TOP3A: variants seen among roughly 807,000 people sequenced by gnomAD.
TOP3A encodes DNA topoisomerase 3-alpha.
In TOP3A, 64 loss-of-function variants were observed where a neutral mutation model predicts 111.3. That is an observed-to-expected ratio of 0.57 (90% CI 0.47 to 0.71). TOP3A has a LOEUF of 0.71. TOP3A is among the 30% of genes least tolerant of loss of function. The pLI is 0.00. For missense variants in TOP3A, 1,104 were observed against 1,285.0 expected (o/e 0.86, Z 2.15); for synonymous variants, 484 against 485.1 (o/e 1.00, Z 0.03).
At chr17:18,313,674 A>T (rs530162194) in intron 1 of TOP3A, 1 of 151,952 alleles carries the variant, frequency 6.6e-6, no homozygotes, top group Non-Finnish European at 1.5e-5. Context: ...TGTCTACTTC[A>T]TTGTCTAGAA....
At chr17:18,300,211 T>C (rs937935383) in intron 8 of TOP3A, among the ~76,000 whole-genome samples, 1 of 152,032 alleles carries the variant, frequency 6.6e-6, no homozygotes, top group African/African-American at 2.4e-5. Flanking sequence ...CTGGCCAACA[T>C]GGTGAAAATC....
chr17:18,274,934 C>T lies in TOP3A; in HGVS notation c.2874G>A (p.Leu958=). ...GCCTTTTGCTTCTGGCTTCCGACTC[C>T]AGGGTTCTTCCTCTGTCTCCTGTCC... ...PSWTGDRGRT[L]ESEARSKRPR... The change falls in exon 19 of 19, where the codon CTG becomes CTA. Residue 958 remains leucine (L), a synonymous_variant. Coordinates refer to ENST00000321105, the MANE Select transcript of TOP3A (RefSeq NM_004618.5). 6.2e-7 allele frequency: 1 copy of T among 1,614,110 alleles called. No homozygotes were observed. The highest frequency in any genetic ancestry group is 1.1e-5 in the South Asian group (1 of 91,082).
chr17:18,290,622 T>C lies in TOP3A; in HGVS notation c.1532A>G (p.Glu511Gly). Residue 511 changes from glutamate (E) to glycine (G), a missense_variant, in exon 13 of 19, where the codon GAG (glutamate) becomes GGG (glycine). Glu to Gly is a moderately conservative substitution (Grantham distance 98). Coordinates refer to ENST00000321105, the MANE Select transcript of TOP3A (RefSeq NM_004618.5). ...QPSTVEMVDGETSPPKLLTEA... is the reference protein window; with the variant it reads ...QPSTVEMVDGGTSPPKLLTEA... Reference sequence around the variant, plus strand: ...GGTGAGCAGCTTGGGTGGGCTGGTCTCCCCGTCCACCATCTCCACGGTGCT... The same window carrying C: ...GGTGAGCAGCTTGGGTGGGCTGGTCCCCCCGTCCACCATCTCCACGGTGCT... 1 of 1,611,568 alleles carries C rather than the reference T, an allele frequency of 6.2e-7. No homozygotes were observed. The highest frequency in any genetic ancestry group is 2.2e-5 in the East Asian group (1 of 44,822).
intron 4 of TOP3A, 71 bp downstream of exon 4, chr17:18,306,820 A>G: frequency 9.3e-7 from 1 of 1,076,284 alleles, no homozygotes; most frequent in Non-Finnish European, 1.4e-6. Context: ...CCAATGCATT[A>G]AAAACAAAGA....
intron 4 of TOP3A, 24 bp from the exon 5 acceptor site, chr17:18,305,244 G>A (rs776562337): frequency 1.3e-6 from 2 of 1,584,944 alleles, no homozygotes; most frequent in Admixed American, 3.3e-5. Flanking sequence ...TGGAATAAGA[G>A]TGGTGAGAAC....
intron 4 of TOP3A, among the ~76,000 whole-genome samples, chr17:18,306,197 G>A (rs562741366): frequency 2.4e-4 from 37 of 151,952 alleles, no homozygotes; most frequent in Non-Finnish European, 4.7e-4. Context: ...GCGAGACTTC[G>A]TCTCAAAAAA....
Position 18,290,585 on chromosome 17 carries a change from G to A in TOP3A, c.1569C>T (p.Leu523=). Residue 523 remains leucine, a synonymous_variant, in exon 13 of 19, where the codon CTC becomes CTT. Coordinates refer to ENST00000321105, the MANE Select transcript of TOP3A (RefSeq NM_004618.5). ...SPPKLLTEAD[L]IALMEKHGIG... is the part of the protein sequence containing the mutation. ...TGCCATGCTTCTCCATGAGGGCAAT[G>A]AGGTCGGCCTCGGTGAGCAGCTTGG... 1 of 1,605,332 alleles carries A rather than the reference G, an allele frequency of 6.2e-7. No homozygotes were observed. The highest frequency in any genetic ancestry group is 8.5e-7 in the Non-Finnish European group (1 of 1,175,052).
intron 3 of TOP3A, 100 bp from the exon 4 acceptor site, chr17:18,307,066 C>A: frequency 1.3e-6 from 1 of 794,674 alleles, no homozygotes. Flanking sequence ...GGTGTATCCC[C>A]AAAAGAAAAG....
Position 18,305,100 on chromosome 17 carries a change from AG to A in TOP3A, c.499+11del. On this transcript the variant is annotated intron_variant, in intron 5 of 18. Coordinates refer to ENST00000321105, the MANE Select transcript of TOP3A (RefSeq NM_004618.5). ...CAAAGTAGAGAAAGTCAGCAGCAGCAGCAGCACTTACCAGCCTTACACACGT... is the reference window on the plus strand; with the variant it reads ...CAAAGTAGAGAAAGTCAGCAGCAGCACAGCACTTACCAGCCTTACACACGT... The A allele has an allele frequency of 6.2e-7, 1 of 1,606,338 alleles. No individual in the cohort carries two copies.
chr17:18,284,692 A>C (rs541397860), intron 15 of TOP3A, among the ~76,000 whole-genome samples: 128 of 152,232 alleles, frequency 8.4e-4, no homozygotes, highest in Non-Finnish European at 1.5e-3. Flanking sequence ...CCAGAAAACA[A>C]ATGGATCACA....
chr17:18,314,789 C>G lies in TOP3A; in HGVS notation c.-11G>C. ...GACAGGAAAGATCATCCTCAGACCT[C>G]GCGCCCGGAGCCGCTCCCCGGCTGC... On this transcript the variant is annotated 5_prime_UTR_variant, in exon 1 of 19. Coordinates refer to ENST00000321105, the MANE Select transcript of TOP3A (RefSeq NM_004618.5). 1.3e-6 allele frequency: 2 copies of G among 1,505,478 alleles called. No individual in the cohort carries two copies. Among genetic ancestry groups the G allele is most frequent in the Non-Finnish European group, 1.8e-6 (2 of 1,122,050 alleles). 93.3% of individuals were successfully genotyped at this position (1,505,478 alleles called of 1,614,324 possible). A position where few individuals can be genotyped will look rare whatever the true frequency, so the allele number is the denominator to read the frequency against.
chr17:18,271,472 C>G lies in TOP3A; in HGVS notation c.*3330G>C, dbSNP rs1978989414. 1 of 159,514 alleles carries G rather than the reference C, an allele frequency of 6.3e-6. No homozygotes were observed. The highest frequency in any genetic ancestry group is 1.4e-5 in the Non-Finnish European group (1 of 72,016). The allele number at this position is 159,514 out of a possible 1,614,324, so 9.9% of individuals were successfully genotyped here. A position where few individuals can be genotyped will look rare whatever the true frequency, so the allele number is the denominator to read the frequency against. On this transcript the variant is annotated 3_prime_UTR_variant, in exon 19 of 19. Transcript: ENST00000321105. ...ATTTGCAGTCGTGCCTGACCGTAAG[C>G]CTTCACTAGAGAGCCTCAATATGAA...
At chr17:18,279,948 C>T (rs183679674) in intron 17 of TOP3A, among the ~76,000 whole-genome samples, 2,165 of 152,012 alleles carry the variant, frequency 0.014, 16 homozygotes, top group Non-Finnish European at 0.023. Flanking sequence ...GCCAGGAGTT[C>T]GAGACCAGCC....
In TOP3A at chr17:18,277,851, A is replaced by G. The variant is rs533111555; in HGVS notation, c.2651T>C (p.Phe884Ser). Residue 884 changes from phenylalanine to serine, a missense_variant, in exon 18 of 19, where the codon TTT becomes TCT. By Grantham distance (155) the Phe-to-Ser change is radical. Coordinates refer to ENST00000321105, the MANE Select transcript of TOP3A (RefSeq NM_004618.5). ...ACCACTGCCATCACCAGGGTTGCCAAACCCACCTAGGTGGATCCCTGGGCC... is the reference window on the plus strand; with the variant it reads ...ACCACTGCCATCACCAGGGTTGCCAGACCCACCTAGGTGGATCCCTGGGCC... The part of the protein sequence containing the change: ...PPGPGIHLGG[F>S]GNPGDGSGSG... 2.5e-6 allele frequency: 4 copies of G among 1,614,092 alleles called. No homozygotes were observed. In the Admixed American group the frequency reaches 5.0e-5, roughly 20 times the overall value.
chr17:18,314,991 T>C lies in TOP3A; in HGVS notation c.-213A>G. The C allele has an allele frequency of 5.5e-6, 1 of 183,082 alleles. No homozygotes were observed. The highest frequency in any genetic ancestry group is 1.2e-5 in the Non-Finnish European group (1 of 86,728). The allele number at this position is 183,082 out of a possible 1,614,324, so 11.3% of individuals were successfully genotyped here. The stretch of plus-strand genomic sequence containing the variant: ...CGAATCCAGTATCTTGGCGTGGAAC[T>C]TCCGCCCGCCTTCTCCAGCTACTTC... On this transcript the variant is annotated 5_prime_UTR_variant, in exon 1 of 19. Coordinates refer to ENST00000321105, the MANE Select transcript of TOP3A (RefSeq NM_004618.5).
intron 13 of TOP3A, 111 bp downstream of exon 13, chr17:18,290,446 A>G (rs1597967345): frequency 1.6e-6 from 2 of 1,223,000 alleles, no homozygotes; most frequent in East Asian, 5.4e-5. Flanking sequence ...AAAATGGGAT[A>G]AAGATATAGC....
rs768574115 is a variant in TOP3A, at chr17:18,305,242, G to T, written c.391-22C>A. The T allele has an allele frequency of 3.2e-6, 5 of 1,586,932 alleles. No homozygotes were observed. The South Asian group carries it at 5.5e-5, about 18-fold the overall frequency. On this transcript the variant is annotated intron_variant, in intron 4 of 18. Coordinates refer to ENST00000321105, the MANE Select transcript of TOP3A (RefSeq NM_004618.5). Reference sequence around the variant, plus strand: ...TTTTCTTAAGTTCGCAGTGGAATAAGAGTGGTGAGAACAGAATTGCACAAC... The same window carrying T: ...TTTTCTTAAGTTCGCAGTGGAATAATAGTGGTGAGAACAGAATTGCACAAC...
At chr17:18,286,909 G>A (rs1351197199) in intron 13 of TOP3A, among the ~76,000 whole-genome samples, 7 of 152,072 alleles carry the variant, frequency 4.6e-5, no homozygotes, top group South Asian at 2.1e-4. Flanking sequence ...TCAGCCTCCC[G>A]AGTAGCTGGG....
chr17:18,305,128 G>C lies in TOP3A; in HGVS notation c.483C>G (p.Ile161Met), dbSNP rs138655866. The change falls in exon 5 of 19, where the codon ATC (isoleucine) becomes ATG (methionine). Residue 161 changes from isoleucine (I) to methionine (M), a missense_variant. Physicochemically the swap from Ile to Met is conservative, Grantham distance 10. Coordinates refer to ENST00000321105, the MANE Select transcript of TOP3A (RefSeq NM_004618.5). The part of the protein sequence containing the change: ...REGENIGFEI[I>M]HVCKAVKPNL... ...AGCACTTACCAGCCTTACACACGTGGATAATCTCAAACCCGATGTTTTCGC... is the reference window on the plus strand; with the variant it reads ...AGCACTTACCAGCCTTACACACGTGCATAATCTCAAACCCGATGTTTTCGC... The C allele has an allele frequency of 2.5e-6, 4 of 1,613,988 alleles. No homozygotes were observed. The highest frequency in any genetic ancestry group is 2.2e-5 in the South Asian group (2 of 91,072).
Sources: gnomAD v4.1 joint callset for allele counts (sites outside exome capture counted in the v4.1 genomes callset) on GRCh38, gnomAD v4.1.1 for gene constraint, MANE v1.5 for transcripts, NCBI Gene and HGNC (gene_info 2026-07-23, HGNC 2026-07-21) for gene names.